WDR26: variants seen among roughly 807,000 people sequenced by gnomAD.
WDR26 encodes WD repeat-containing protein 26.
A neutral mutation model predicts 84.1 loss-of-function variants in WDR26; 5 were observed. That is an observed-to-expected ratio of 0.06 (90% confidence interval 0.03 to 0.13). The LOEUF (loss-of-function observed/expected upper bound fraction) is 0.13, where lower values mean the gene tolerates loss of function less well. WDR26 is among the 10% of genes least tolerant of loss of function. WDR26 has a pLI of 1.00. For missense variants in WDR26, 642 were observed against 974.9 expected (o/e 0.66, Z 4.55); for synonymous variants, 415 against 389.6 (o/e 1.07, Z -0.77).
At chr1:224,424,859 A>C in intron 3 of WDR26, 1 of 617,546 alleles carries the variant, frequency 1.6e-6, no homozygotes. Flanking sequence ...ATCTTACTAA[A>C]ACTCTGCTTT....
At chr1:224,397,553 G>A (rs981703398) in intron 12 of WDR26, among the ~76,000 whole-genome samples, 3 of 152,142 alleles carry the variant, frequency 2.0e-5, no homozygotes, top group African/African-American at 7.2e-5. Flanking sequence ...ATTCAAAAGG[G>A]TAGTAGTAGG....
chr1:224,426,013 A>G (rs972660071), intron 3 of WDR26, among the ~76,000 whole-genome samples: 2 of 152,036 alleles, frequency 1.3e-5, no homozygotes, highest in African/African-American at 4.8e-5. Context: ...ACCCGCCACC[A>G]CACCCAGCTA....
intron 3 of WDR26, among the ~76,000 whole-genome samples, chr1:224,425,084 A>G (rs868185527): frequency 6.6e-6 from 1 of 152,210 alleles, no homozygotes; most frequent in East Asian, 1.9e-4. Flanking sequence ...AAGATTAGAG[A>G]AAAAAATAGC....
At chr1:224,422,578 G>A (rs1277828328) in intron 4 of WDR26, among the ~76,000 whole-genome samples, 1 of 152,126 alleles carries the variant, frequency 6.6e-6, no homozygotes, top group Non-Finnish European at 1.5e-5. Flanking sequence ...AGCCGGGTGT[G>A]GTGGCGCATG....
intron 6 of WDR26, among the ~76,000 whole-genome samples, chr1:224,412,728 CACT>C (rs1461843402): frequency 6.6e-6 from 1 of 152,208 alleles, no homozygotes; most frequent in African/African-American, 2.4e-5. Flanking sequence ...TGGTAGCCCT[CACT>C]ACAAGTGGCT....
Position 224,386,218 on chromosome 1 carries a change from T to C in WDR26, c.*3617A>G, listed in dbSNP as rs1672989381. 6.6e-6 allele frequency: 1 copy of C among 152,642 alleles called. No individual in the cohort carries two copies. The highest frequency in any genetic ancestry group is 1.5e-5 in the Non-Finnish European group (1 of 68,038). The allele number at this position is 152,642 out of a possible 1,614,324, so 9.5% of individuals were successfully genotyped here. On this transcript the variant is annotated 3_prime_UTR_variant, in exon 14 of 14. Transcript: ENST00000414423. The stretch of plus-strand genomic sequence containing the variant: ...GCAGTTTATATTAAATCAGATATGG[T>C]TTCTGAAATGGAAGTAATGTGTTGG...
At chr1:224,402,083 A>T (rs1673436047) in intron 8 of WDR26, 1 of 152,222 alleles carries the variant, frequency 6.6e-6, no homozygotes, top group African/African-American at 2.4e-5. Context: ...TTGGTGTAAT[A>T]ATAAAAGGTA....
intron 7 of WDR26, among the ~76,000 whole-genome samples, chr1:224,405,568 C>T (rs1347505389): frequency 6.6e-6 from 1 of 152,214 alleles, no homozygotes; most frequent in Non-Finnish European, 1.5e-5. Context: ...CTAACCACTA[C>T]TAGCACTATT....
chr1:224,399,994 T>C (rs1673366775), intron 9 of WDR26, among the ~76,000 whole-genome samples: 1 of 151,916 alleles, frequency 6.6e-6, no homozygotes, highest in Non-Finnish European at 1.5e-5. Flanking sequence ...ACAAAAAAAA[T>C]GTGGACGTGC....
At chr1:224,390,769 C>A (rs1410069112) in intron 13 of WDR26, among the ~76,000 whole-genome samples, 1 of 151,520 alleles carries the variant, frequency 6.6e-6, no homozygotes, top group Non-Finnish European at 1.5e-5. Flanking sequence ...GACTCCATCT[C>A]AAAACAGAAA....
At chr1:224,411,683 G>C in intron 6 of WDR26, 118 bp from the exon 7 acceptor site, 4 of 1,071,012 alleles carry the variant, frequency 3.7e-6, no homozygotes, top group Non-Finnish European at 5.2e-6. Context: ...TTAAAAATAA[G>C]AAGTGAATGC....
intron 13 of WDR26, among the ~76,000 whole-genome samples, chr1:224,392,754 G>A (rs969397924): frequency 1.3e-5 from 2 of 151,514 alleles, no homozygotes; most frequent in Non-Finnish European, 3.0e-5. Flanking sequence ...ATCCTTACCC[G>A]CCAGTAAGAT....
rs1483168141 is a variant in WDR26 at position 224,386,462 on chromosome 1, A to C, written c.*3373T>G. 1.3e-5 allele frequency: 2 copies of C among 152,612 alleles called. No homozygotes were observed. Among genetic ancestry groups the C allele is most frequent in the Non-Finnish European group, 2.9e-5 (2 of 68,014 alleles). The allele number at this position is 152,612 out of a possible 1,614,324, so 9.5% of individuals were successfully genotyped here. A position where few individuals can be genotyped will look rare whatever the true frequency, so the allele number is the denominator to read the frequency against. Reference sequence around the variant, plus strand: ...ATGATATATTTACCCACTGTGAGGCAGAGGTGATAGGGTCAGTTCTTGTTT... The same window carrying C: ...ATGATATATTTACCCACTGTGAGGCCGAGGTGATAGGGTCAGTTCTTGTTT... On this transcript the variant is annotated 3_prime_UTR_variant, in exon 14 of 14. Transcript: ENST00000414423.
rs755768760 is a variant in WDR26 at position 224,424,580 on chromosome 1, T to C, written c.1002A>G (p.Gln334=). The change falls in exon 4 of 14, where the codon CAA becomes CAG. Residue 334 remains glutamine (Q), a synonymous_variant. Transcript: ENST00000414423. ...GCGGCGTCAATTCACAGCGTAGAAC[T>C]TGAAGTGCCTCCAGGACCTTGCCAT... 6.2e-7 allele frequency: 1 copy of C among 1,614,168 alleles called. No individual in the cohort carries two copies. Among genetic ancestry groups the C allele is most frequent in the Non-Finnish European group, 8.5e-7 (1 of 1,180,002 alleles).
intron 3 of WDR26, 72 bp from the exon 4 acceptor site, chr1:224,424,726 A>T: frequency 1.3e-6 from 2 of 1,592,818 alleles, no homozygotes; most frequent in Non-Finnish European, 1.7e-6. Flanking sequence ...GTGCCTAAAC[A>T]GAACAGTAGA....
chr1:224,431,374 C>G (rs1558447705), intron 3 of WDR26, 103 bp downstream of exon 3: 6 of 951,660 alleles, frequency 6.3e-6, no homozygotes, highest in Non-Finnish European at 9.5e-6. Flanking sequence ...TGAAATTTAA[C>G]TACTTTTAGG....
At chr1:224,390,705 G>A (rs1673100576) in intron 13 of WDR26, among the ~76,000 whole-genome samples, 1 of 152,054 alleles carries the variant, frequency 6.6e-6, no homozygotes, top group African/African-American at 2.4e-5. Context: ...GGGAGGCGGA[G>A]GTTGCAGTGA....
chr1:224,394,415 T>C (rs1673203890), intron 12 of WDR26, among the ~76,000 whole-genome samples: 1 of 152,138 alleles, frequency 6.6e-6, no homozygotes, highest in Non-Finnish European at 1.5e-5. Context: ...TAAACCTTTA[T>C]TGGGTGCTTA....
At chr1:224,425,801 G>C (rs1439811753) in intron 3 of WDR26, among the ~76,000 whole-genome samples, 1 of 152,080 alleles carries the variant, frequency 6.6e-6, no homozygotes, top group Non-Finnish European at 1.5e-5. Flanking sequence ...CAGCGGTAAA[G>C]ATCTCAAGTC....
Sources: allele counts gnomAD v4.1 joint callset (sites outside exome capture counted in the v4.1 genomes callset), GRCh38; gene constraint gnomAD v4.1.1; transcripts MANE v1.5; gene names NCBI Gene and HGNC (gene_info 2026-07-23, HGNC 2026-07-21).